The following FOXP2 variants were observed in gnomAD, a reference collection of about 807,000 sequenced individuals.
FOXP2 encodes forkhead box P2.
FOXP2 carries 12 observed loss-of-function variants against 115.8 expected under a neutral mutation model. The ratio of observed to expected loss-of-function variants is 0.10; its 90% CI spans 0.07 to 0.17. The LOEUF (loss-of-function observed/expected upper bound fraction) is 0.17. FOXP2 is among the 10% of genes least tolerant of loss of function. The pLI, the probability that FOXP2 is intolerant of heterozygous loss-of-function variation, is 1.00. For missense variants in FOXP2, 629 were observed against 843.5 expected (o/e 0.75, Z 3.15); for synonymous variants, 328 against 297.7 (o/e 1.10, Z -1.05).
chr7:114,643,443 A>T (rs1004066517), intron 7 of FOXP2, among the ~76,000 whole-genome samples: 2 of 152,190 alleles, frequency 1.3e-5, no homozygotes, highest in African/African-American at 2.4e-5. Context: ...TTGTTGCATG[A>T]TGAAATAAGT....
At chr7:114,688,014 A>G (rs749849362) in intron 16 of FOXP2, among the ~76,000 whole-genome samples, 1 of 152,018 alleles carries the variant, frequency 6.6e-6, no homozygotes, top group Non-Finnish European at 1.5e-5. Flanking sequence ...ACATAGACCA[A>G]TAGAGATGGC....
At chr7:114,524,410 A>G (rs951548205) in intron 2 of FOXP2, among the ~76,000 whole-genome samples, 5 of 152,128 alleles carry the variant, frequency 3.3e-5, no homozygotes. Context: ...TTCTCTTTAT[A>G]CCCTGAACAG....
intron 1 of FOXP2, among the ~76,000 whole-genome samples, chr7:114,200,685 T>C (rs1463118351): frequency 6.6e-6 from 1 of 152,182 alleles, no homozygotes; most frequent in Non-Finnish European, 1.5e-5. Flanking sequence ...CAATGGTATA[T>C]TTTAGCCTTC....
chr7:114,135,984 T>A (rs1049003415), intron 1 of FOXP2, among the ~76,000 whole-genome samples: 3 of 152,110 alleles, frequency 2.0e-5, no homozygotes, highest in African/African-American at 7.2e-5. Context: ...ATACACCTAA[T>A]GTTCCTTCCC....
At chr7:114,433,979 T>A (rs1368791104) in intron 2 of FOXP2, among the ~76,000 whole-genome samples, 1 of 151,934 alleles carries the variant, frequency 6.6e-6, no homozygotes, top group East Asian at 1.9e-4. Flanking sequence ...AGGCATGATA[T>A]GGCTGCAATA....
intron 6 of FOXP2, among the ~76,000 whole-genome samples, chr7:114,638,737 T>C (rs1805361608): frequency 6.6e-6 from 1 of 152,106 alleles, no homozygotes; most frequent in African/African-American, 2.4e-5. Flanking sequence ...TTGGTGTGGG[T>C]TGTGGTAAGG....
chr7:114,323,050 C>A (rs1285419301), intron 2 of FOXP2, among the ~76,000 whole-genome samples: 2 of 152,118 alleles, frequency 1.3e-5, no homozygotes, highest in African/African-American at 2.4e-5. Flanking sequence ...TTCAAATTTA[C>A]TTCTGCATAC....
chr7:114,562,008 C>G (rs1308832813), intron 3 of FOXP2, among the ~76,000 whole-genome samples: 2 of 152,140 alleles, frequency 1.3e-5, no homozygotes, highest in East Asian at 3.9e-4. Context: ...AATTCCCATT[C>G]TGCGCACTAT....
intron 1 of FOXP2, among the ~76,000 whole-genome samples, chr7:114,279,135 T>C (rs545967437): frequency 7.9e-5 from 12 of 152,300 alleles, no homozygotes; most frequent in African/African-American, 2.6e-4. Context: ...TAATATTAAT[T>C]CAGAATTTTT....
At chr7:114,365,804 A>T (rs1165064717) in intron 2 of FOXP2, among the ~76,000 whole-genome samples, 3 of 152,150 alleles carry the variant, frequency 2.0e-5, no homozygotes, top group African/African-American at 4.8e-5. Context: ...AGTACTTCTC[A>T]TACTTGATTG....
At chr7:114,127,460 C>T (rs549902540) in intron 1 of FOXP2, among the ~76,000 whole-genome samples, 1 of 152,164 alleles carries the variant, frequency 6.6e-6, no homozygotes, top group East Asian at 1.9e-4. Context: ...GGTGCATAGG[C>T]CTATTCTATT....
At chr7:114,363,518 T>G (rs982574354) in intron 2 of FOXP2, among the ~76,000 whole-genome samples, 2 of 152,168 alleles carry the variant, frequency 1.3e-5, no homozygotes, top group African/African-American at 4.8e-5. Flanking sequence ...TTGTTTTATT[T>G]GGTTCTGAGC....
chr7:114,404,687 G>T (rs1367050278), intron 2 of FOXP2, among the ~76,000 whole-genome samples: 1 of 151,798 alleles, frequency 6.6e-6, no homozygotes, highest in Non-Finnish European at 1.5e-5. Flanking sequence ...CTTTATATCT[G>T]CTTTGATTTT....
At chr7:114,288,557 G>C (rs1283754429) in intron 2 of FOXP2, among the ~76,000 whole-genome samples, 1 of 151,648 alleles carries the variant, frequency 6.6e-6, no homozygotes, top group Admixed American at 6.6e-5. Context: ...TAATATACCA[G>C]TAATGAATTT....
upstream of FOXP2, among the ~76,000 whole-genome samples, chr7:114,410,814 C>T (rs892584644): frequency 3.3e-5 from 5 of 151,830 alleles, no homozygotes; most frequent in Non-Finnish European, 5.9e-5. Flanking sequence ...TGAAATACCC[C>T]TCTCAATAAT....
chr7:114,200,210 G>A (rs1794024091), intron 1 of FOXP2, among the ~76,000 whole-genome samples: 2 of 152,110 alleles, frequency 1.3e-5, no homozygotes, highest in South Asian at 2.1e-4. Flanking sequence ...TAATTGATAA[G>A]AAAGCAACAA....
chr7:114,663,671 T>C, intron 15 of FOXP2, 152 bp downstream of exon 15: 1 of 677,484 alleles, frequency 1.5e-6, no homozygotes, highest in Non-Finnish European at 2.6e-6. Flanking sequence ...CAGCACTGGT[T>C]CTAATTCAAG....
At chr7:114,087,639 C>T (rs1303027127), upstream of FOXP2, 1 of 146,950 alleles carries the variant, frequency 6.8e-6, no homozygotes, top group Non-Finnish European at 1.5e-5. Flanking sequence ...GGCGGCGGCG[C>T]CGGCGGCGCG....
intron 2 of FOXP2, among the ~76,000 whole-genome samples, chr7:114,349,339 G>A (rs1417355007): frequency 6.6e-6 from 1 of 152,032 alleles, no homozygotes; most frequent in Non-Finnish European, 1.5e-5. Context: ...GATACTATGA[G>A]ATAGGAATGA....
Sources: gnomAD v4.1 joint callset for allele counts (sites outside exome capture counted in the v4.1 genomes callset) on GRCh38, gnomAD v4.1.1 for gene constraint, MANE v1.5 for transcripts, NCBI Gene and HGNC (gene_info 2026-07-23, HGNC 2026-07-21) for gene names.